Variants in ZEB1 observed in about 807,000 individuals in gnomAD.
The protein encoded by ZEB1 is zinc finger E-box-binding homeobox 1.
Under a neutral mutation model 84.9 loss-of-function variants are expected in ZEB1, and 21 were observed. The observed-to-expected ratio is 0.25, with a 90% CI of 0.18 to 0.36. ZEB1 has a LOEUF of 0.36. Ranked by LOEUF, ZEB1 falls within the 10% of genes least tolerant of loss-of-function variation. The probability of loss-of-function intolerance (pLI) is 1.00; values close to 1 mark genes in which losing one functional copy is unlikely to be tolerated. For synonymous variants in ZEB1, 420 were observed against 471.1 expected, an observed-to-expected ratio of 0.89 and a Z score of 1.41; for missense variants, 1,104 against 1,330.2, an observed-to-expected ratio of 0.83 and a Z score of 2.65.
intron 4 of ZEB1, among the ~76,000 whole-genome samples, chr10:31,505,141 T>A (rs1465780625): frequency 6.6e-6 from 1 of 152,168 alleles, no homozygotes; most frequent in Non-Finnish European, 1.5e-5. Flanking sequence ...AAATCCCACT[T>A]GATCATATTG....
intron 1 of ZEB1, among the ~76,000 whole-genome samples, chr10:31,328,742 T>C (rs1223146596): frequency 6.6e-6 from 1 of 152,148 alleles, no homozygotes; most frequent in African/African-American, 2.4e-5. Flanking sequence ...CCTTACCATA[T>C]CACTTTTATG....
chr10:31,410,254 C>CT (rs1450164716), intron 1 of ZEB1, among the ~76,000 whole-genome samples: 4 of 152,132 alleles, frequency 2.6e-5, no homozygotes, highest in Non-Finnish European at 5.9e-5. Context: ...TTTTCTGCAT[C>CT]TATTGAGATA....
intron 2 of ZEB1, among the ~76,000 whole-genome samples, chr10:31,463,942 A>AT (rs1266934751): frequency 6.6e-6 from 1 of 152,224 alleles, no homozygotes; most frequent in Non-Finnish European, 1.5e-5. Flanking sequence ...ATAAAGGCTA[A>AT]TTACTAGAGT....
At chr10:31,321,680 T>C (rs2034107339) in intron 1 of ZEB1, 1 of 1,101,790 alleles carries the variant, frequency 9.1e-7, no homozygotes, top group Admixed American at 1.8e-5. Context: ...TAAACATGTT[T>C]ACCTGAACAG....
At chr10:31,319,679 C>G (rs1453766680) in intron 1 of ZEB1, 4 of 234,766 alleles carry the variant, frequency 1.7e-5, no homozygotes, top group African/African-American at 7.1e-5. Context: ...GCACTTTTCC[C>G]CACTCTTGTG....
intron 1 of ZEB1, among the ~76,000 whole-genome samples, chr10:31,372,240 G>T (rs1179914723): frequency 6.6e-6 from 1 of 151,950 alleles, no homozygotes; most frequent in African/African-American, 2.4e-5. Flanking sequence ...TTTTGCTAAA[G>T]ACTTAAATTG....
rs76707644 is a variant in ZEB1, at chr10:31,403,116, T to C, written c.59-57921T>C. ...AATTAGCTTGAATTCAAATATTAGT[T>C]TTATTACTCTACTAGCTGTGTAACC... is the stretch of plus-strand genomic sequence containing the variant. On this transcript the variant is annotated intron_variant, in intron 1 of 8. Coordinates refer to ENST00000424869, the MANE Select transcript of ZEB1 (RefSeq NM_001174096.2). 5.6e-3 allele frequency among the ~76,000 whole-genome samples: 849 copies of C among 152,160 alleles called. 13 individuals are homozygous for C. The highest frequency in any genetic ancestry group is 0.02 in the African/African-American group (815 of 41,546).
chr10:31,502,298 T>G (rs774606896), intron 3 of ZEB1, 50 bp from the exon 4 acceptor site: 1 of 1,583,998 alleles, frequency 6.3e-7, no homozygotes, highest in Non-Finnish European at 8.6e-7. Flanking sequence ...AAAACCTTTG[T>G]AATAACTTAG....
At chr10:31,321,508 T>A (rs769557040) in intron 1 of ZEB1, 1 of 1,614,054 alleles carries the variant, frequency 6.2e-7, no homozygotes, top group Non-Finnish European at 8.5e-7. Context: ...CTGTTGCCGC[T>A]GTTGCTGATG....
intron 2 of ZEB1, among the ~76,000 whole-genome samples, chr10:31,481,698 C>CA (rs1192477538): frequency 6.6e-6 from 1 of 151,616 alleles, no homozygotes; most frequent in African/African-American, 2.4e-5. Flanking sequence ...GAGAGCATGT[C>CA]AAAAAAACAC....
upstream of ZEB1, chr10:31,319,208 G>T: frequency 6.3e-7 from 1 of 1,593,382 alleles, no homozygotes; most frequent in Non-Finnish European, 8.5e-7. Context: ...GAGGTGACTC[G>T]AGCATTTAGA....
At chr10:31,401,738 T>C (rs773761753) in intron 1 of ZEB1, among the ~76,000 whole-genome samples, 8 of 152,204 alleles carry the variant, frequency 5.3e-5, no homozygotes, top group Non-Finnish European at 1.2e-4. Flanking sequence ...TACTGCAATT[T>C]TAACATCGTG....
intron 1 of ZEB1, among the ~76,000 whole-genome samples, chr10:31,409,072 A>G (rs1366704338): frequency 6.6e-6 from 1 of 152,234 alleles, no homozygotes; most frequent in East Asian, 1.9e-4. Flanking sequence ...AACCCCATCA[A>G]AAAGTGGGCA....
At chr10:31,332,776 C>T (rs1433272976) in intron 1 of ZEB1, among the ~76,000 whole-genome samples, 3 of 152,104 alleles carry the variant, frequency 2.0e-5, no homozygotes, top group Admixed American at 2.0e-4. Flanking sequence ...TAATAATTCT[C>T]ATGTAAAAAT....
intron 1 of ZEB1, among the ~76,000 whole-genome samples, chr10:31,433,692 TA>T (rs2057982586): frequency 6.6e-6 from 1 of 152,198 alleles, no homozygotes; most frequent in Admixed American, 6.6e-5. Context: ...CAAAACTTAT[TA>T]AAGTAATTTT....
intron 4 of ZEB1, among the ~76,000 whole-genome samples, chr10:31,507,336 T>C (rs1350914449): frequency 6.6e-6 from 1 of 152,150 alleles, no homozygotes; most frequent in African/African-American, 2.4e-5. Context: ...TGTATCTATT[T>C]GGGGGTGCGC....
At chr10:31,436,935 T>C (rs1488828314) in intron 1 of ZEB1, among the ~76,000 whole-genome samples, 1 of 152,226 alleles carries the variant, frequency 6.6e-6, no homozygotes, top group African/African-American at 2.4e-5. Flanking sequence ...GTTTGCATGA[T>C]CTTCTGCTTT....
At chr10:31,452,585 A>G (rs1049552402) in intron 1 of ZEB1, among the ~76,000 whole-genome samples, 7 of 152,086 alleles carry the variant, frequency 4.6e-5, no homozygotes, top group Non-Finnish European at 1.0e-4. Flanking sequence ...ACTTAAGTAT[A>G]TTGACTTGTT....
intron 1 of ZEB1, among the ~76,000 whole-genome samples, chr10:31,379,772 A>G (rs759154740): frequency 2.6e-5 from 4 of 151,918 alleles, no homozygotes; most frequent in Non-Finnish European, 5.9e-5. Flanking sequence ...AGACTAGTGT[A>G]ATAAACCCCA....
Sources: gnomAD v4.1 joint callset for allele counts (sites outside exome capture counted in the v4.1 genomes callset) on GRCh38, gnomAD v4.1.1 for gene constraint, MANE v1.5 for transcripts, NCBI Gene and HGNC (gene_info 2026-07-23, HGNC 2026-07-21) for gene names.